Variants in BCL2L13 observed in about 807,000 individuals in gnomAD.
BCL2L13 encodes BCL2 like 13.
BCL2L13 carries 13 observed loss-of-function variants against 25.8 expected under a neutral mutation model. That is an observed-to-expected ratio of 0.50 (90% confidence interval 0.33 to 0.80). BCL2L13 has a LOEUF of 0.80. Ranked by LOEUF, BCL2L13 falls within the 30% of genes least tolerant of loss-of-function variation. The pLI is 0.02. For synonymous variants in BCL2L13, 244 were observed against 230.3 expected (o/e 1.06, Z -0.54); for missense variants, 504 against 574.9 (o/e 0.88, Z 1.26).
chr22:17,693,372 G>GTTTGTTTTTTT (rs1284865411), intron 4 of BCL2L13, among the ~76,000 whole-genome samples: 5 of 70,608 alleles, frequency 7.1e-5, no homozygotes, highest in African/African-American at 2.6e-4. Flanking sequence ...TTTAGTGTTT[G>GTTTGTTTTTTT]TTTTTTTTTT....
intron 3 of BCL2L13, among the ~76,000 whole-genome samples, chr22:17,686,170 C>G (rs1247182650): frequency 6.6e-6 from 1 of 151,960 alleles, no homozygotes; most frequent in East Asian, 1.9e-4. Flanking sequence ...ACAAATAATC[C>G]CGAGACCAGG....
At chr22:17,639,407 C>G (rs1358347073) in intron 1 of BCL2L13, among the ~76,000 whole-genome samples, 1 of 152,180 alleles carries the variant, frequency 6.6e-6, no homozygotes, top group Non-Finnish European at 1.5e-5. Flanking sequence ...AAAAAACTGC[C>G]TTCTTGCCCT....
At chr22:17,705,965 A>C (rs1288133383) in intron 6 of BCL2L13, among the ~76,000 whole-genome samples, 2 of 152,216 alleles carry the variant, frequency 1.3e-5, no homozygotes, top group Admixed American at 1.3e-4. Flanking sequence ...GGCTTTGGAC[A>C]TATAGATTTG....
intron 3 of BCL2L13, among the ~76,000 whole-genome samples, 178 bp downstream of exon 3, chr22:17,683,499 G>A (rs1242055809): frequency 6.6e-6 from 1 of 152,072 alleles, no homozygotes; most frequent in African/African-American, 2.4e-5. Flanking sequence ...TTTCCTGGAG[G>A]ATATGTTGAT....
In BCL2L13 at chr22:17,655,560, ACT is replaced by A. The variant is rs546824617; in HGVS notation, c.-50-99_-50-98del. 304 of 898,182 alleles carry A rather than the reference ACT, an allele frequency of 3.4e-4. No homozygotes were observed. The African/African-American group carries it at 4.6e-3, about 14-fold the overall frequency. 55.6% of individuals were successfully genotyped at this position (898,182 alleles called of 1,614,324 possible). On this transcript the variant is annotated intron_variant, in intron 1 of 6. Transcript: ENST00000317582. ...CTCCTGCCTGAGCGACAAGAGCAAG[ACT>A]CTACCTCAAAAGAGTTGCACAAGAC...
Position 17,727,068 on chromosome 22 carries a change from C to CG in BCL2L13, c.993dup (p.Arg332AlafsTer9). On this transcript the variant is annotated frameshift_variant, in exon 7 of 7. Coordinates refer to ENST00000317582, the MANE Select transcript of BCL2L13 (RefSeq NM_015367.4). LOFTEE classifies it low-confidence loss of function (END_TRUNC). ...GCTGTGGCTTCTGTGGTCTTGCCAG[C>CG]GCGGGAGCTGCAAGAGGCACTTCCT... 6.2e-7 allele frequency: 1 copy of CG among 1,614,206 alleles called. No homozygotes were observed. Among genetic ancestry groups the CG allele is most frequent in the Admixed American group, 1.7e-5 (1 of 60,026 alleles).
chr22:17,643,556 G>C (rs1315767015), intron 1 of BCL2L13, among the ~76,000 whole-genome samples: 1 of 152,204 alleles, frequency 6.6e-6, no homozygotes, highest in Non-Finnish European at 1.5e-5. Context: ...CCACCAGTGA[G>C]TCATGAGACT....
At chr22:17,642,042 G>T (rs539402575) in intron 1 of BCL2L13, among the ~76,000 whole-genome samples, 1 of 151,316 alleles carries the variant, frequency 6.6e-6, no homozygotes, top group Admixed American at 6.6e-5. Context: ...CTTATTATCT[G>T]CCCATGTCGG....
intron 6 of BCL2L13, among the ~76,000 whole-genome samples, chr22:17,719,673 A>G (rs915808485): frequency 2.6e-5 from 4 of 152,062 alleles, no homozygotes; most frequent in African/African-American, 9.7e-5. Flanking sequence ...TACTAAAAAT[A>G]CAAAAATTAG....
At chr22:17,701,888 C>T (rs1300324725) in intron 5 of BCL2L13, among the ~76,000 whole-genome samples, 2 of 144,396 alleles carry the variant, frequency 1.4e-5, no homozygotes, top group Non-Finnish European at 3.0e-5. Flanking sequence ...TGTGCCACTG[C>T]CTGGATGAAA....
intron 3 of BCL2L13, among the ~76,000 whole-genome samples, chr22:17,686,256 CCAGCCAA>C (rs2059935265): frequency 1.3e-5 from 2 of 151,772 alleles, no homozygotes; most frequent in East Asian, 4.0e-4. Flanking sequence ...TGAGATGACC[CCAGCCAA>C]CATGGTGAAA....
chr22:17,632,658 C>A (rs983686645), intron 1 of BCL2L13, among the ~76,000 whole-genome samples: 2 of 151,726 alleles, frequency 1.3e-5, no homozygotes, highest in Admixed American at 6.6e-5. Context: ...CAAATTGTTT[C>A]TGAAATTAAT....
chr22:17,639,450 C>A (rs1041031223), intron 1 of BCL2L13, among the ~76,000 whole-genome samples: 1 of 152,170 alleles, frequency 6.6e-6, no homozygotes, highest in Non-Finnish European at 1.5e-5. Context: ...GAGTCATTTT[C>A]CCCCTTTGAT....
At chr22:17,680,903 T>C (rs1242736271) in intron 2 of BCL2L13, among the ~76,000 whole-genome samples, 6 of 152,106 alleles carry the variant, frequency 3.9e-5, no homozygotes, top group African/African-American at 1.4e-4. Context: ...ATACCATACC[T>C]GCGAGGTCTG....
At chr22:17,630,797 G>T (rs1050840589) in intron 1 of BCL2L13, among the ~76,000 whole-genome samples, 1 of 150,986 alleles carries the variant, frequency 6.6e-6, no homozygotes, top group African/African-American at 2.4e-5. Context: ...CAACACATTG[G>T]CCAGGGTGGT....
chr22:17,705,158 A>G (rs1275175947), intron 6 of BCL2L13, among the ~76,000 whole-genome samples: 1 of 151,920 alleles, frequency 6.6e-6, no homozygotes, highest in East Asian at 2.0e-4. Flanking sequence ...CTGTAACACC[A>G]GCTACTTGGG....
At chr22:17,630,543 G>T (rs2057989881) in intron 1 of BCL2L13, among the ~76,000 whole-genome samples, 1 of 150,990 alleles carries the variant, frequency 6.6e-6, no homozygotes, top group African/African-American at 2.4e-5. Flanking sequence ...CTCCGAGAGT[G>T]CTGGGATTAC....
intron 3 of BCL2L13, among the ~76,000 whole-genome samples, chr22:17,686,517 C>CTTTTT (rs542476608): frequency 7.1e-6 from 1 of 139,968 alleles, no homozygotes; most frequent in African/African-American, 2.7e-5. Flanking sequence ...CTTTTTTTTT[C>CTTTTT]TTTTTTTTTT....
chr22:17,649,871 CTTTTT>C (rs71201855), intron 1 of BCL2L13, among the ~76,000 whole-genome samples: 1 of 94,390 alleles, frequency 1.1e-5, no homozygotes, highest in Non-Finnish European at 2.1e-5. Context: ...TTTTTCTTTT[CTTTTT>C]TTTTTTTTTT....
Sources: gnomAD v4.1 joint callset for allele counts (sites outside exome capture counted in the v4.1 genomes callset) on GRCh38, gnomAD v4.1.1 for gene constraint, MANE v1.5 for transcripts, NCBI Gene and HGNC (gene_info 2026-07-23, HGNC 2026-07-21) for gene names.